DNM3: variants seen among roughly 807,000 people sequenced by gnomAD.
The protein encoded by DNM3 is dynamin-3.
DNM3 carries 47 observed loss-of-function variants against 101.6 expected under a neutral mutation model. The ratio of observed to expected loss-of-function variants is 0.46; its 90% CI spans 0.37 to 0.59. The LOEUF is 0.59. Ranked by LOEUF, DNM3 falls within the 20% of genes least tolerant of loss-of-function variation. The probability of loss-of-function intolerance (pLI) is 0.00; values close to 1 mark genes in which losing one functional copy is unlikely to be tolerated. For missense variants in DNM3, 849 were observed against 1,085.7 expected, an observed-to-expected ratio of 0.78 and a Z score of 3.06; for synonymous variants, 385 against 387.9, an observed-to-expected ratio of 0.99 and a Z score of 0.09.
chr1:171,905,608 T>TA (rs894405564), intron 1 of DNM3, among the ~76,000 whole-genome samples: 1 of 152,044 alleles, frequency 6.6e-6, no homozygotes, highest in Admixed American at 6.6e-5. Context: ...GGAAAATAGC[T>TA]AAAAAATATT....
intron 2 of DNM3, among the ~76,000 whole-genome samples, chr1:171,929,882 T>C (rs1376029935): frequency 6.6e-6 from 1 of 152,134 alleles, no homozygotes; most frequent in Admixed American, 6.5e-5. Flanking sequence ...AGGACGGCTT[T>C]TCCCCCCAGT....
rs78938270 is a variant in DNM3 at position 172,053,995 on chromosome 1, A to G, written c.1335+5245A>G. 6.0e-3 allele frequency among the ~76,000 whole-genome samples: 917 copies of G among 152,300 alleles called. 11 individuals carry two copies. Among genetic ancestry groups the G allele is most frequent in the African/African-American group, 0.021 (869 of 41,562 alleles). On this transcript the variant is annotated intron_variant, in intron 10 of 20. Coordinates refer to ENST00000627582, the MANE Select transcript of DNM3 (RefSeq NM_015569.5). ...TTTGAGACTTAAAGGGAGTGCTATG[A>G]ATACTTTCACTGGAGTAATAGGAGT...
chr1:172,114,752 G>A (rs1282896649), intron 13 of DNM3, among the ~76,000 whole-genome samples: 1 of 152,136 alleles, frequency 6.6e-6, no homozygotes, highest in Admixed American at 6.5e-5. Context: ...AGAGGTTAAG[G>A]ATCATGCTCT....
intron 2 of DNM3, among the ~76,000 whole-genome samples, chr1:171,942,243 T>C (rs1349011446): frequency 2.1e-5 from 3 of 144,194 alleles, no homozygotes; most frequent in African/African-American, 5.2e-5. Context: ...AGGGATCTGA[T>C]ACTCTTTTTC....
At chr1:171,940,363 C>T (rs1247162590) in intron 2 of DNM3, among the ~76,000 whole-genome samples, 1 of 152,108 alleles carries the variant, frequency 6.6e-6, no homozygotes, top group Non-Finnish European at 1.5e-5. Flanking sequence ...ATTTTGAATG[C>T]CTGCAGTGTG....
chr1:172,131,131 T>A (rs1282492383), intron 13 of DNM3, 44 bp from the exon 14 acceptor site: 1 of 1,571,306 alleles, frequency 6.4e-7, no homozygotes, highest in East Asian at 2.3e-5. Flanking sequence ...CTCCAGTGGC[T>A]TTTGTTAAAC....
At chr1:172,265,890 C>T (rs1253715880) in intron 15 of DNM3, among the ~76,000 whole-genome samples, 3 of 152,078 alleles carry the variant, frequency 2.0e-5, no homozygotes, top group Admixed American at 2.0e-4. Flanking sequence ...GTTGTAGAGC[C>T]TTGTTTTCTT....
chr1:172,403,658 C>G (rs964516158), intron 20 of DNM3, among the ~76,000 whole-genome samples: 1 of 152,126 alleles, frequency 6.6e-6, no homozygotes, highest in Non-Finnish European at 1.5e-5. Flanking sequence ...ACAAATACAA[C>G]TTCAAGTATT....
Position 172,408,730 on chromosome 1 carries a change from A to G in DNM3, c.*889A>G, listed in dbSNP as rs2071054709. On this transcript the variant is annotated 3_prime_UTR_variant, in exon 21 of 21. Transcript: ENST00000627582. ...ACACTTTGATACTAACTCCAGTTTTACTATTATTATTTTGGTTGGAAAAAA... is the reference window on the plus strand; with the variant it reads ...ACACTTTGATACTAACTCCAGTTTTGCTATTATTATTTTGGTTGGAAAAAA... 1.0e-6 allele frequency: 1 copy of G among 984,746 alleles called. No individual in the cohort carries two copies. The highest frequency in any genetic ancestry group is 4.7e-5 in the South Asian group (1 of 21,272). The allele number at this position is 984,746 out of a possible 1,614,324, so 61.0% of individuals were successfully genotyped here.
At chr1:172,144,366 C>T (rs984098196) in intron 14 of DNM3, 8 of 208,988 alleles carry the variant, frequency 3.8e-5, no homozygotes, top group Admixed American at 1.1e-4. Context: ...AGGCCTTACC[C>T]GCTGGTCTTC....
intron 14 of DNM3, among the ~76,000 whole-genome samples, chr1:172,178,724 G>A (rs969958466): frequency 6.6e-6 from 1 of 151,932 alleles, no homozygotes; most frequent in African/African-American, 2.4e-5. Flanking sequence ...TGATGTTACA[G>A]AGATATCAAT....
chr1:172,352,133 A>G (rs1268035536), intron 17 of DNM3, among the ~76,000 whole-genome samples: 14 of 152,184 alleles, frequency 9.2e-5, no homozygotes, highest in Admixed American at 9.2e-4. Flanking sequence ...CATGTTGTCC[A>G]CTTACAACAG....
At chr1:172,237,299 T>C (rs777642705) in intron 14 of DNM3, among the ~76,000 whole-genome samples, 1 of 152,108 alleles carries the variant, frequency 6.6e-6, no homozygotes, top group Non-Finnish European at 1.5e-5. Context: ...AGTATTATTA[T>C]CCCTGCTTTA....
intron 17 of DNM3, among the ~76,000 whole-genome samples, chr1:172,331,166 C>A (rs2148933476): frequency 1.3e-5 from 2 of 152,254 alleles, no homozygotes; most frequent in East Asian, 3.9e-4. Context: ...ACCAATCGTT[C>A]TTCCTTAAAT....
intron 6 of DNM3, among the ~76,000 whole-genome samples, chr1:172,034,074 G>A (rs548556345): frequency 6.6e-6 from 1 of 152,196 alleles, no homozygotes; most frequent in East Asian, 1.9e-4. Context: ...GTAGATTTCT[G>A]ATTCTTAGCT....
intron 1 of DNM3, among the ~76,000 whole-genome samples, chr1:171,880,632 G>A (rs1054144713): frequency 6.6e-6 from 1 of 152,098 alleles, no homozygotes; most frequent in African/African-American, 2.4e-5. Context: ...AAGATAACTA[G>A]TCTAACCCAA....
chr1:172,243,999 A>G (rs1028182903), intron 14 of DNM3, among the ~76,000 whole-genome samples: 2 of 152,018 alleles, frequency 1.3e-5, no homozygotes, highest in Non-Finnish European at 2.9e-5. Flanking sequence ...ATATCTCCCA[A>G]TGCTATCCCT....
chr1:172,264,392 G>T (rs557517443), intron 15 of DNM3, among the ~76,000 whole-genome samples: 1 of 152,296 alleles, frequency 6.6e-6, no homozygotes, highest in Admixed American at 6.5e-5. Context: ...TGCTTAGCAT[G>T]ATTCTATCAA....
intron 18 of DNM3, among the ~76,000 whole-genome samples, chr1:172,386,027 C>T (rs2069159347): frequency 6.6e-6 from 1 of 152,206 alleles, no homozygotes; most frequent in African/African-American, 2.4e-5. Flanking sequence ...TGACCTAGCA[C>T]AAGATACTTA....
Sources: gnomAD v4.1 joint callset for allele counts (sites outside exome capture counted in the v4.1 genomes callset) on GRCh38, gnomAD v4.1.1 for gene constraint, MANE v1.5 for transcripts, NCBI Gene and HGNC (gene_info 2026-07-23, HGNC 2026-07-21) for gene names.